SGTB: variants seen among roughly 807,000 people sequenced by gnomAD.
The protein encoded by SGTB is small glutamine rich tetratricopeptide repeat co-chaperone beta, also known as small glutamine-rich tetratricopeptide repeat-containing protein beta.
A neutral mutation model predicts 43.9 loss-of-function variants in SGTB; 19 were observed. The observed-to-expected ratio is 0.43, with a 90% CI of 0.30 to 0.63. SGTB has a LOEUF of 0.63. SGTB is among the 30% of genes least tolerant of loss of function. The pLI is 0.12. For synonymous variants in SGTB, 116 were observed against 117.3 expected (o/e 0.99, Z 0.07); for missense variants, 304 against 358.9 (o/e 0.85, Z 1.24).
chr5:65,683,972 G>C (rs573305740), intron 6 of SGTB, among the ~76,000 whole-genome samples: 3 of 151,722 alleles, frequency 2.0e-5, no homozygotes, highest in Non-Finnish European at 4.4e-5. Flanking sequence ...AAAAAGAGAT[G>C]ACAAAGATGA....
chr5:65,703,974 C>G (rs1304697996), intron 5 of SGTB, among the ~76,000 whole-genome samples: 2 of 136,552 alleles, frequency 1.5e-5, no homozygotes, highest in African/African-American at 2.7e-5. Context: ...GGAAGCGGAG[C>G]TTGCAGTGAG....
chr5:65,693,799 T>C (rs1464396183), intron 5 of SGTB, among the ~76,000 whole-genome samples: 1 of 152,112 alleles, frequency 6.6e-6, no homozygotes, highest in Non-Finnish European at 1.5e-5. Context: ...ACAAATACTA[T>C]AATAAATTGC....
At position 65,670,069 on chromosome 5, in the gene SGTB, C is replaced by G. The variant is rs578185078; in HGVS notation, c.*177G>C. The G allele has an allele frequency of 7.7e-5, 41 of 535,130 alleles. No individual in the cohort carries two copies. The highest frequency in any genetic ancestry group is 6.4e-4 in the African/African-American group (33 of 51,752). 33.1% of individuals were successfully genotyped at this position (535,130 alleles called of 1,614,324 possible). On this transcript the variant is annotated 3_prime_UTR_variant, in exon 11 of 11. Transcript: ENST00000381007. Reference sequence around the variant, plus strand: ...ATGTTTTGAGTTTGTTTGTGATAAACCTATTGTCTAAACAGATTTATTCTT... The same window carrying G: ...ATGTTTTGAGTTTGTTTGTGATAAAGCTATTGTCTAAACAGATTTATTCTT...
At chr5:65,721,114 T>C (rs1758266035) in intron 1 of SGTB, among the ~76,000 whole-genome samples, 1 of 152,228 alleles carries the variant, frequency 6.6e-6, no homozygotes, top group Non-Finnish European at 1.5e-5. Flanking sequence ...AAGCTTAGAC[T>C]GTCACTGCAT....
chr5:65,673,346 G>A (rs1392903767), intron 8 of SGTB, among the ~76,000 whole-genome samples: 2 of 152,132 alleles, frequency 1.3e-5, no homozygotes, highest in African/African-American at 2.4e-5. Flanking sequence ...CTATAGTAGC[G>A]GTCCCCAACC....
At chr5:65,712,475 C>T (rs1381592543) in intron 3 of SGTB, among the ~76,000 whole-genome samples, 8 of 152,220 alleles carry the variant, frequency 5.3e-5, no homozygotes, top group Non-Finnish European at 1.0e-4. Flanking sequence ...ACCCTTAACC[C>T]TTCCCTGTTT....
chr5:65,670,405 T>A, intron 10 of SGTB, 48 bp from the exon 11 acceptor site: 1 of 1,483,684 alleles, frequency 6.7e-7, no homozygotes, highest in Non-Finnish European at 9.4e-7. Context: ...GCCAGTCACA[T>A]TTACCCACGC....
At position 65,680,554 on chromosome 5, in the gene SGTB, T is replaced by C; in HGVS notation, c.621A>G (p.Thr207=). The C allele has an allele frequency of 6.2e-7, 1 of 1,614,172 alleles. No individual in the cohort carries two copies. The highest frequency in any genetic ancestry group is 8.5e-7 in the Non-Finnish European group (1 of 1,180,010). Residue 207 remains threonine, a splice_region_variant and synonymous_variant, in exon 8 of 11, where the codon ACA becomes ACG. Coordinates refer to ENST00000381007, the MANE Select transcript of SGTB (RefSeq NM_019072.3). ...CCATGTCAAAGCTCAGTCCAGTTCC[T>C]GTCTGTAAAACAATTATATCTGAGA... ...EQKLREVSSP[T]GTGLSFDMAS... is the part of the protein sequence containing the mutation.
intron 2 of SGTB, among the ~76,000 whole-genome samples, chr5:65,716,075 C>T (rs1197186057): frequency 6.6e-6 from 1 of 152,196 alleles, no homozygotes; most frequent in African/African-American, 2.4e-5. Flanking sequence ...CGGCCCACAG[C>T]TGCAGGTTTA....
At chr5:65,700,630 A>C (rs1446813273) in intron 5 of SGTB, among the ~76,000 whole-genome samples, 4 of 150,358 alleles carry the variant, frequency 2.7e-5, no homozygotes, top group Non-Finnish European at 4.4e-5. Context: ...GCAGTGAGCC[A>C]AGATCGCGCC....
At chr5:65,684,642 G>A (rs540333158) in intron 6 of SGTB, among the ~76,000 whole-genome samples, 5 of 151,858 alleles carry the variant, frequency 3.3e-5, no homozygotes, top group Non-Finnish European at 5.9e-5. Flanking sequence ...AACCTCTGCC[G>A]CCCAGGTTCA....
At position 65,704,322 on chromosome 5, in the gene SGTB, C is replaced by T; in HGVS notation, c.331G>A (p.Ala111Thr). 1 of 1,612,338 alleles carries T rather than the reference C, an allele frequency of 6.2e-7. No homozygotes were observed. Among genetic ancestry groups the T allele is most frequent in the Non-Finnish European group, 8.5e-7 (1 of 1,179,198 alleles). The change falls in exon 5 of 11, where the codon GCA becomes ACA. Residue 111 changes from alanine to threonine, a missense_variant. Ala to Thr is a moderately conservative substitution (Grantham distance 58). Coordinates refer to ENST00000381007, the MANE Select transcript of SGTB (RefSeq NM_019072.3). Reference protein sequence around the residue: ...YAAAVDCYTQAIELDPNNAVY... With the variant: ...YAAAVDCYTQTIELDPNNAVY... The stretch of plus-strand genomic sequence containing the variant: ...GCATTATTGGGATCCAATTCTATTG[C>T]CTGTGTGTAACAATCCACTGCAGCA...
intron 6 of SGTB, among the ~76,000 whole-genome samples, chr5:65,681,459 G>A (rs777509425): frequency 1.6e-4 from 25 of 152,140 alleles, no homozygotes; most frequent in Non-Finnish European, 3.2e-4. Flanking sequence ...TGTATATATG[G>A]TGACATAGTA....
intron 2 of SGTB, among the ~76,000 whole-genome samples, chr5:65,720,081 CTTTTTTTTTTT>C (rs11312137): frequency 6.4e-5 from 8 of 124,976 alleles, no homozygotes; most frequent in African/African-American, 1.8e-4. Flanking sequence ...TTTTCTTTTT[CTTTTTTTTTTT>C]TTTTTTTTGA....
intron 2 of SGTB, among the ~76,000 whole-genome samples, chr5:65,719,402 C>G (rs1472326629): frequency 6.6e-6 from 1 of 151,930 alleles, no homozygotes; most frequent in Non-Finnish European, 1.5e-5. Flanking sequence ...ACAGCCTGGG[C>G]AACATGGCGA....
At chr5:65,690,719 A>G (rs1042058691) in intron 5 of SGTB, among the ~76,000 whole-genome samples, 2 of 152,240 alleles carry the variant, frequency 1.3e-5, no homozygotes, top group African/African-American at 4.8e-5. Flanking sequence ...AAAAACGTAC[A>G]AAGTTCAGAA....
intron 10 of SGTB, 57 bp from the exon 11 acceptor site, chr5:65,670,414 G>A (rs113696896): frequency 4.9e-6 from 7 of 1,437,370 alleles, no homozygotes; most frequent in East Asian, 2.3e-5. Context: ...ATTTACCCAC[G>A]CAAAAAGAAA....
rs757345268 is a variant in SGTB, at chr5:65,680,631, C to T, written c.618+25G>A. 15 of 1,613,708 alleles carry T rather than the reference C, an allele frequency of 9.3e-6. No individual in the cohort carries two copies. In the East Asian group the frequency reaches 2.9e-4, roughly 31 times the overall value. Reference sequence around the variant, plus strand: ...AAATTGTGAATGACAGAAAATACTTCACTCATTTGGCATTAACAACTTACA... The same window carrying T: ...AAATTGTGAATGACAGAAAATACTTTACTCATTTGGCATTAACAACTTACA... On this transcript the variant is annotated intron_variant, in intron 7 of 10. Transcript: ENST00000381007.
At chr5:65,709,640 G>A (rs950058259) in intron 3 of SGTB, among the ~76,000 whole-genome samples, 8 of 152,150 alleles carry the variant, frequency 5.3e-5, no homozygotes, top group Non-Finnish European at 1.2e-4. Flanking sequence ...GCCTCCCAAA[G>A]TGCTGGGATT....
Sources: allele counts gnomAD v4.1 joint callset (sites outside exome capture counted in the v4.1 genomes callset), GRCh38; gene constraint gnomAD v4.1.1; transcripts MANE v1.5; gene names NCBI Gene and HGNC (gene_info 2026-07-23, HGNC 2026-07-21).